FGD4: variants seen among roughly 807,000 people sequenced by gnomAD.
FGD4 encodes FYVE, RhoGEF and PH domain-containing protein 4.
FGD4 carries 42 observed loss-of-function variants against 102.0 expected under a neutral mutation model. The observed-to-expected ratio is 0.41, with a 90% CI of 0.32 to 0.53. The LOEUF is 0.53. Ranked by LOEUF, FGD4 falls within the 20% of genes least tolerant of loss-of-function variation. FGD4 has a pLI of 0.21. For missense variants in FGD4, 902 were observed against 1,078.2 expected (o/e 0.84, Z 2.29); for synonymous variants, 380 against 375.7 (o/e 1.01, Z -0.13).
intron 1 of FGD4, among the ~76,000 whole-genome samples, chr12:32,505,202 T>A (rs1247634769): frequency 6.6e-6 from 1 of 152,140 alleles, no homozygotes; most frequent in Admixed American, 6.6e-5. Flanking sequence ...TTTTGAGAAA[T>A]AGATGTACTG....
chr12:32,524,925 A>G (rs1055777317), intron 1 of FGD4, among the ~76,000 whole-genome samples: 3 of 152,238 alleles, frequency 2.0e-5, no homozygotes, highest in African/African-American at 7.2e-5. Flanking sequence ...TACAAAATTT[A>G]AACAATGAGG....
intron 1 of FGD4, among the ~76,000 whole-genome samples, chr12:32,462,384 C>A (rs1692382718): frequency 6.6e-6 from 1 of 152,046 alleles, no homozygotes; most frequent in South Asian, 2.1e-4. Flanking sequence ...TGGCCTCAAA[C>A]TCCTGACCTC....
At position 32,612,686 on chromosome 12, in the gene FGD4, A is replaced by G. The variant is rs150725630; in HGVS notation, c.1749+1403A>G. Among the ~76,000 whole-genome samples, 38 of 152,248 alleles carry G rather than the reference A, an allele frequency of 2.5e-4. No individual in the cohort carries two copies. In the East Asian group the frequency reaches 6.8e-3, roughly 27 times the overall value. ...GTTGGTGTATCATTTCCTGACATCA[A>G]TTCTCTTCCTAATCCTCTGTAGTCA... is the stretch of plus-strand genomic sequence containing the variant. On this transcript the variant is annotated intron_variant, in intron 10 of 16. Transcript: ENST00000534526.
chr12:32,418,486 T>C (rs527811232), intron 1 of FGD4, among the ~76,000 whole-genome samples: 1 of 152,278 alleles, frequency 6.6e-6, no homozygotes, highest in Non-Finnish European at 1.5e-5. Flanking sequence ...CTTGATGATC[T>C]TAGATAAGAT....
intron 1 of FGD4, among the ~76,000 whole-genome samples, chr12:32,542,613 C>T (rs1405255043): frequency 1.3e-5 from 2 of 152,096 alleles, no homozygotes; most frequent in African/African-American, 4.8e-5. Context: ...AGAATCTGGT[C>T]GATTTATAAA....
At chr12:32,532,375 C>G (rs574438011) in intron 1 of FGD4, among the ~76,000 whole-genome samples, 1 of 152,222 alleles carries the variant, frequency 6.6e-6, no homozygotes, top group East Asian at 1.9e-4. Context: ...TATCACTGTA[C>G]TAGCATGAGT....
intron 1 of FGD4, among the ~76,000 whole-genome samples, chr12:32,563,312 C>T (rs1189565157): frequency 6.6e-6 from 1 of 151,286 alleles, no homozygotes; most frequent in African/African-American, 2.4e-5. Context: ...ACGCTCCTCA[C>T]CTCCCAGACG....
chr12:32,486,233 G>A lies in FGD4; in HGVS notation c.167-77904G>A. On this transcript the variant is annotated intron_variant, in intron 1 of 16. Transcript: ENST00000534526. ...CTATGCAAAGTATACAATAGATGAGGTCACTGGTATTTCTCTTTGTTTACT... is the reference window on the plus strand; with the variant it reads ...CTATGCAAAGTATACAATAGATGAGATCACTGGTATTTCTCTTTGTTTACT... 2 of 1,183,584 alleles carry A rather than the reference G, an allele frequency of 1.7e-6. 1 individual carries two copies. The highest frequency in any genetic ancestry group is 3.2e-5 in the South Asian group (2 of 62,454). The allele number at this position is 1,183,584 out of a possible 1,614,324, so 73.3% of individuals were successfully genotyped here.
At position 32,411,700 on chromosome 12, in the gene FGD4, T is replaced by G. The variant is rs184820063; in HGVS notation, c.166+11741T>G. On this transcript the variant is annotated intron_variant, in intron 1 of 16. Transcript: ENST00000534526. ...AACTCAAAAAGGCATACTGGTTGAG[T>G]GCAGTGGCTTACGCCTGTAATCCCA... 4.6e-5 allele frequency among the ~76,000 whole-genome samples: 7 copies of G among 151,884 alleles called. No homozygotes were observed. In the East Asian group the frequency reaches 1.2e-3, roughly 25 times the overall value.
At chr12:32,557,256 T>G (rs1565837156) in intron 1 of FGD4, among the ~76,000 whole-genome samples, 1 of 152,218 alleles carries the variant, frequency 6.6e-6, no homozygotes, top group Non-Finnish European at 1.5e-5. Flanking sequence ...TATAAAAGAT[T>G]TAAATGATAT....
chr12:32,604,156 GTTT>G (rs1180445283), intron 7 of FGD4, among the ~76,000 whole-genome samples: 1 of 152,184 alleles, frequency 6.6e-6, no homozygotes, highest in African/African-American at 2.4e-5. Flanking sequence ...GCTTTCAGCA[GTTT>G]AAATATGATG....
chr12:32,597,025 A>G (rs1947959062), intron 4 of FGD4, among the ~76,000 whole-genome samples: 1 of 152,220 alleles, frequency 6.6e-6, no homozygotes, highest in South Asian at 2.1e-4. Flanking sequence ...CATATACATT[A>G]GAAAGATTTC....
chr12:32,622,346 G>A (rs1246458156), intron 11 of FGD4, among the ~76,000 whole-genome samples: 1 of 152,154 alleles, frequency 6.6e-6, no homozygotes, highest in African/African-American at 2.4e-5. Context: ...GATACTTTCA[G>A]TCCTCCTTTA....
intron 4 of FGD4, among the ~76,000 whole-genome samples, chr12:32,594,188 G>A: frequency 6.6e-6 from 1 of 152,174 alleles, no homozygotes. Flanking sequence ...AGGCGAGCAA[G>A]TAAGTGAAGC....
chr12:32,572,179 T>C (rs963235141), intron 2 of FGD4, among the ~76,000 whole-genome samples: 20 of 152,190 alleles, frequency 1.3e-4, no homozygotes, highest in African/African-American at 4.3e-4. Flanking sequence ...AGACATGTTG[T>C]TTTCATTTAG....
At position 32,608,016 on chromosome 12, in the gene FGD4, G is replaced by A. The variant is rs1157295802; in HGVS notation, c.1464G>A (p.Arg488=). The A allele has an allele frequency of 6.2e-7, 1 of 1,614,114 alleles. No homozygotes were observed. Among genetic ancestry groups the A allele is most frequent in the Non-Finnish European group, 8.5e-7 (1 of 1,180,036 alleles). The part of the protein sequence containing the change: ...LQHHMLEPVQ[R]IPRYEMLLKD... ...ATCACATGCTAGAACCTGTTCAGCG[G>A]ATTCCCCGGTATGAGATGCTCCTTA... The change falls in exon 8 of 17, where the codon CGG becomes CGA. Residue 488 remains arginine, a synonymous_variant. Transcript: ENST00000534526.
intron 2 of FGD4, among the ~76,000 whole-genome samples, chr12:32,574,235 T>C (rs150413535): frequency 1.3e-5 from 2 of 152,232 alleles, no homozygotes; most frequent in East Asian, 1.9e-4. Flanking sequence ...TCTAGGTAGA[T>C]GAATGAGTTA....
At chr12:32,557,982 T>G (rs1245733091) in intron 1 of FGD4, among the ~76,000 whole-genome samples, 1 of 151,982 alleles carries the variant, frequency 6.6e-6, no homozygotes, top group African/African-American at 2.4e-5. Context: ...CCGACCAGGG[T>G]TAACATCACA....
chr12:32,534,056 T>A (rs1233189573), intron 1 of FGD4, among the ~76,000 whole-genome samples: 1 of 152,232 alleles, frequency 6.6e-6, no homozygotes, highest in Non-Finnish European at 1.5e-5. Flanking sequence ...AGAAACAAAC[T>A]GTTTTCCCAT....
Sources: allele counts gnomAD v4.1 joint callset (sites outside exome capture counted in the v4.1 genomes callset), GRCh38; gene constraint gnomAD v4.1.1; transcripts MANE v1.5; gene names NCBI Gene and HGNC (gene_info 2026-07-23, HGNC 2026-07-21).